Variants in STAT3 observed in about 807,000 individuals in gnomAD.
STAT3 encodes signal transducer and activator of transcription 3, also known as DNA-binding protein APRF.
In STAT3, 7 loss-of-function variants were observed where a neutral mutation model predicts 114.3. That is an observed-to-expected ratio of 0.06 (90% CI 0.03 to 0.11). The LOEUF is 0.11. Among genes scored for constraint, STAT3 ranks in the 10% least tolerant of loss-of-function variants. STAT3 has a pLI of 1.00. For missense variants in STAT3, 364 were observed against 960.9 expected (o/e 0.38, Z 8.21); for synonymous variants, 331 against 354.5 (o/e 0.93, Z 0.74).
At chr17:42,357,010 AC>A (rs904143816) in intron 1 of STAT3, among the ~76,000 whole-genome samples, 20 of 150,790 alleles carry the variant, frequency 1.3e-4, no homozygotes, top group Admixed American at 1.3e-3. Flanking sequence ...CTTGTCTTAA[AC>A]TCCTGACCTG....
intron 1 of STAT3, among the ~76,000 whole-genome samples, chr17:42,365,436 TC>T (rs1459844118): frequency 2.6e-5 from 4 of 152,198 alleles, no homozygotes; most frequent in Non-Finnish European, 1.5e-5. Context: ...CCTGCTGTTA[TC>T]TAAATTCCTG....
chr17:42,376,621 C>T (rs566519461), intron 1 of STAT3, among the ~76,000 whole-genome samples: 14 of 150,780 alleles, frequency 9.3e-5, no homozygotes, highest in African/African-American at 3.2e-4. Context: ...CCAAAGCGGG[C>T]GGATCACAAG....
chr17:42,343,321 C>T (rs1182488103), intron 4 of STAT3, among the ~76,000 whole-genome samples: 1 of 151,926 alleles, frequency 6.6e-6, no homozygotes, highest in Non-Finnish European at 1.5e-5. Flanking sequence ...AAACCCCTCA[C>T]AGAAAGTAAA....
At chr17:42,346,495 A>G (rs1299246500) in intron 3 of STAT3, 74 bp downstream of exon 3, 10 of 1,601,042 alleles carry the variant, frequency 6.2e-6, no homozygotes. Context: ...GAGAAAAGAG[A>G]TGCTTCCAGG....
At chr17:42,358,306 T>C (rs1396447996) in intron 1 of STAT3, among the ~76,000 whole-genome samples, 2 of 151,898 alleles carry the variant, frequency 1.3e-5, no homozygotes, top group Non-Finnish European at 2.9e-5. Flanking sequence ...TGTAGTCCCA[T>C]GGAGGCTGAG....
intron 8 of STAT3, 71 bp from the exon 9 acceptor site, chr17:42,334,120 A>C: frequency 1.3e-6 from 2 of 1,575,002 alleles, no homozygotes; most frequent in Admixed American, 3.4e-5. Context: ...AAGGGGAAGG[A>C]AATACTGAAG....
At chr17:42,371,030 A>G (rs954319476) in intron 1 of STAT3, among the ~76,000 whole-genome samples, 3 of 152,192 alleles carry the variant, frequency 2.0e-5, no homozygotes, top group Admixed American at 2.0e-4. Flanking sequence ...AGTATTTGAG[A>G]AAACTTCAGA....
At chr17:42,352,544 C>T (rs1448067103) in intron 1 of STAT3, among the ~76,000 whole-genome samples, 2 of 150,596 alleles carry the variant, frequency 1.3e-5, no homozygotes, top group Non-Finnish European at 2.9e-5. Flanking sequence ...ATCTCTCTTA[C>T]AATATTTGCA....
intron 21 of STAT3, among the ~76,000 whole-genome samples, chr17:42,321,205 A>G (rs1371078198): frequency 1.4e-5 from 2 of 143,456 alleles, no homozygotes; most frequent in Non-Finnish European, 3.0e-5. Context: ...CTGCAGCCTC[A>G]ACCTCCTGGG....
At chr17:42,355,881 AC>A (rs1171241652) in intron 1 of STAT3, among the ~76,000 whole-genome samples, 3 of 152,246 alleles carry the variant, frequency 2.0e-5, no homozygotes, top group Admixed American at 1.3e-4. Flanking sequence ...TAGTGGATTT[AC>A]AACGAGGGTG....
intron 1 of STAT3, among the ~76,000 whole-genome samples, chr17:42,371,720 G>GC (rs1567753125): frequency 6.7e-6 from 1 of 149,000 alleles, no homozygotes; most frequent in Non-Finnish European, 1.5e-5. Flanking sequence ...GGTGGCTCAT[G>GC]CCTGTAATCC....
chr17:42,317,474 C>T (rs1218021759), intron 21 of STAT3: 1 of 582,774 alleles, frequency 1.7e-6, no homozygotes, highest in African/African-American at 1.9e-5. Context: ...GACTTTTCAG[C>T]ATAACCTTTT....
intron 20 of STAT3, 82 bp downstream of exon 20, chr17:42,322,922 G>A: frequency 6.3e-7 from 1 of 1,599,922 alleles, no homozygotes; most frequent in Non-Finnish European, 8.6e-7. Context: ...ACCCACCAGG[G>A]GGCAGTAGGT....
At chr17:42,338,871 A>T in intron 5 of STAT3, 59 bp from the exon 6 acceptor site, 2 of 1,465,966 alleles carry the variant, frequency 1.4e-6, no homozygotes, top group Non-Finnish European at 1.9e-6. Flanking sequence ...TGGGAACAGA[A>T]AATATAAAGT....
At chr17:42,373,848 A>G (rs995832194) in intron 1 of STAT3, among the ~76,000 whole-genome samples, 32 of 149,860 alleles carry the variant, frequency 2.1e-4, no homozygotes, top group African/African-American at 7.1e-4. Flanking sequence ...TCGCGCCACT[A>G]CACTCCAGCC....
chr17:42,385,135 C>G (rs1395586601), intron 1 of STAT3, among the ~76,000 whole-genome samples: 1 of 152,172 alleles, frequency 6.6e-6, no homozygotes, highest in Non-Finnish European at 1.5e-5. Context: ...AAACATTTAT[C>G]AGCTCCCCCA....
chr17:42,361,862 A>T (rs1286735393), intron 1 of STAT3, among the ~76,000 whole-genome samples: 3 of 152,200 alleles, frequency 2.0e-5, no homozygotes, highest in African/African-American at 7.2e-5. Context: ...TTTCAAAAAG[A>T]TCCCTCAGGC....
In STAT3 at chr17:42,388,378, A is replaced by G; in HGVS notation, c.-123T>C. ...GAAGGGCCTCTCCGAGCCGAGGGGG[A>G]GAGACAGCGCCAAGCCGGGGTGCCT... is the stretch of plus-strand genomic sequence containing the variant. On this transcript the variant is annotated 5_prime_UTR_variant, in exon 1 of 24. Coordinates refer to ENST00000264657, the MANE Select transcript of STAT3 (RefSeq NM_139276.3). 2 of 1,231,538 alleles carry G rather than the reference A, an allele frequency of 1.6e-6. No homozygotes were observed. The highest frequency in any genetic ancestry group is 8.2e-5 in the South Asian group (2 of 24,324). The allele number at this position is 1,231,538 out of a possible 1,614,324, so 76.3% of individuals were successfully genotyped here. A position where few individuals can be genotyped will look rare whatever the true frequency, so the allele number is the denominator to read the frequency against.
chr17:42,381,272 C>T (rs1357502498), intron 1 of STAT3, among the ~76,000 whole-genome samples: 4 of 152,130 alleles, frequency 2.6e-5, no homozygotes, highest in South Asian at 2.1e-4. Flanking sequence ...CTTTGGCTGA[C>T]GCAGTTAAAA....
Sources: allele counts gnomAD v4.1 joint callset (sites outside exome capture counted in the v4.1 genomes callset), GRCh38; gene constraint gnomAD v4.1.1; transcripts MANE v1.5; gene names NCBI Gene and HGNC (gene_info 2026-07-23, HGNC 2026-07-21).